The following DNAH12 variants were observed in gnomAD, a reference collection of about 807,000 sequenced individuals.
DNAH12 encodes the protein dynein axonemal heavy chain 12, also known as axonemal beta dynein heavy chain 12.
A neutral mutation model predicts 371.5 loss-of-function variants in DNAH12; 285 were observed. That is an observed-to-expected ratio of 0.77 (90% confidence interval 0.70 to 0.85). The LOEUF (loss-of-function observed/expected upper bound fraction) is 0.85, where lower values mean the gene tolerates loss of function less well. Ranked by LOEUF, DNAH12 falls within the 40% of genes least tolerant of loss-of-function variation. The probability of loss-of-function intolerance (pLI) is 0.00; values close to 1 mark genes in which losing one functional copy is unlikely to be tolerated. For synonymous variants in DNAH12, 1,200 were observed against 1,213.0 expected (o/e 0.99, Z 0.22); for missense variants, 3,611 against 3,689.4 (o/e 0.98, Z 0.55).
intron 39 of DNAH12, among the ~76,000 whole-genome samples, chr3:57,410,224 T>TA (rs2064157928): frequency 6.6e-6 from 1 of 152,168 alleles, no homozygotes; most frequent in Non-Finnish European, 1.5e-5. Context: ...AGCAGGTCTA[T>TA]AGGCACCATT....
chr3:57,449,862 C>T (rs553223860), intron 25 of DNAH12, among the ~76,000 whole-genome samples: 8 of 152,176 alleles, frequency 5.3e-5, no homozygotes, highest in Admixed American at 5.2e-4. Flanking sequence ...GAGGAGGCGC[C>T]GAGAGCAAGC....
intron 62 of DNAH12, 38 bp from the exon 63 acceptor site, chr3:57,323,657 T>C (rs2061862314): frequency 4.1e-6 from 6 of 1,475,520 alleles, no homozygotes; most frequent in Non-Finnish European, 4.5e-6. Flanking sequence ...AGAGCAACTT[T>C]TATTTCACAT....
chr3:57,464,828 A>G (rs970924494), intron 17 of DNAH12, among the ~76,000 whole-genome samples: 7 of 152,276 alleles, frequency 4.6e-5, no homozygotes, highest in African/African-American at 1.7e-4. Flanking sequence ...AAGATAATAA[A>G]GAAATGTTAT....
intron 59 of DNAH12, among the ~76,000 whole-genome samples, chr3:57,355,088 T>G (rs1331080617): frequency 6.6e-6 from 1 of 152,166 alleles, no homozygotes; most frequent in Admixed American, 6.5e-5. Flanking sequence ...GTTGTGATAT[T>G]GTTCTACAGG....
At chr3:57,396,499 G>A (rs2063744926) in intron 43 of DNAH12, among the ~76,000 whole-genome samples, 1 of 151,648 alleles carries the variant, frequency 6.6e-6, no homozygotes, top group African/African-American at 2.4e-5. Flanking sequence ...CCAGGTTCTA[G>A]CGATTCTCCT....
At chr3:57,471,434 G>T (rs1209297689) in intron 15 of DNAH12, 38 bp downstream of exon 15, 1 of 1,493,416 alleles carries the variant, frequency 6.7e-7, no homozygotes, top group Non-Finnish European at 8.9e-7. Context: ...ATGACTCTAT[G>T]GGCTGGCCAT....
intron 26 of DNAH12, 81 bp from the exon 27 acceptor site, chr3:57,446,351 T>C: frequency 6.8e-7 from 1 of 1,466,260 alleles, no homozygotes; most frequent in Non-Finnish European, 9.1e-7. Flanking sequence ...ATATTTTAAG[T>C]CAGAATTGAA....
chr3:57,411,942 A>C (rs548253690), intron 39 of DNAH12, among the ~76,000 whole-genome samples: 17 of 152,386 alleles, frequency 1.1e-4, no homozygotes, highest in Admixed American at 1.3e-4. Flanking sequence ...ATAAAACTAC[A>C]GTAGTCAAGA....
intron 11 of DNAH12, among the ~76,000 whole-genome samples, chr3:57,490,577 T>C (rs2067081562): frequency 6.6e-6 from 1 of 152,112 alleles, no homozygotes; most frequent in Non-Finnish European, 1.5e-5. Context: ...CTGCCTTCCT[T>C]CTCACTTGAT....
intron 60 of DNAH12, among the ~76,000 whole-genome samples, chr3:57,342,996 G>A (rs2062443939): frequency 6.6e-6 from 1 of 151,830 alleles, no homozygotes; most frequent in East Asian, 1.9e-4. Context: ...CACCTGAGCC[G>A]GGCAGGTGGA....
intron 44 of DNAH12, among the ~76,000 whole-genome samples, chr3:57,393,350 G>A (rs1043870342): frequency 3.9e-5 from 6 of 152,136 alleles, no homozygotes; most frequent in African/African-American, 9.6e-5. Context: ...TAAAGTGGCC[G>A]GGCGAGGTGG....
At chr3:57,438,333 A>AAAAAC (rs57965030) in intron 29 of DNAH12, among the ~76,000 whole-genome samples, 2 of 150,776 alleles carry the variant, frequency 1.3e-5, no homozygotes, top group African/African-American at 2.4e-5. Context: ...ACAAACAAAC[A>AAAAAC]AAAACAAAAC....
At chr3:57,445,854 G>T (rs2065474915) in intron 27 of DNAH12, among the ~76,000 whole-genome samples, 177 bp downstream of exon 27, 1 of 151,936 alleles carries the variant, frequency 6.6e-6, no homozygotes, top group South Asian at 2.1e-4. Flanking sequence ...CAGGTGTAGT[G>T]GTGTGTGCCT....
At chr3:57,388,704 C>A (rs1484654163) in intron 45 of DNAH12, among the ~76,000 whole-genome samples, 1 of 152,038 alleles carries the variant, frequency 6.6e-6, no homozygotes, top group Non-Finnish European at 1.5e-5. Context: ...CATATATACA[C>A]CATGGAATAC....
chr3:57,405,770 G>A lies in DNAH12; in HGVS notation c.6459C>T (p.Arg2153=). Reference sequence around the variant, plus strand: ...ATCTTCGATCATCATCATTAATGAGGCGATCATAAAACACTCGGAGAACCT... The same window carrying A: ...ATCTTCGATCATCATCATTAATGAGACGATCATAAAACACTCGGAGAACCT... ...VHEVLRVFYD[R]LINDDDRRWL... is the part of the protein sequence containing the mutation. The change falls in exon 41 of 74, where the codon CGC becomes CGT. Residue 2153 remains arginine (R), a synonymous_variant. Transcript: ENST00000495027. 1 of 1,551,592 alleles carries A rather than the reference G, an allele frequency of 6.4e-7. No individual in the cohort carries two copies.
intron 55 of DNAH12, among the ~76,000 whole-genome samples, chr3:57,370,962 T>G (rs2063158237): frequency 6.6e-6 from 1 of 152,124 alleles, no homozygotes; most frequent in Admixed American, 6.5e-5. Flanking sequence ...CATAAAGAGA[T>G]AAGAAGGAAA....
In DNAH12 at chr3:57,347,378, G is replaced by A. The variant is rs1210312682; in HGVS notation, c.9674+4707C>T. The stretch of plus-strand genomic sequence containing the variant: ...ATTAATGTAATTCATCATAGCAAGA[G>A]AGTAAAGAAGTAAAACCATATGATC... On this transcript the variant is annotated intron_variant, in intron 60 of 73. Transcript: ENST00000495027. Among the ~76,000 whole-genome samples, 5 of 152,098 alleles carry A rather than the reference G, an allele frequency of 3.3e-5. No individual in the cohort carries two copies. The East Asian group carries it at 9.6e-4, about 29-fold the overall frequency.
At chr3:57,374,635 A>G (rs2153338666) in intron 55 of DNAH12, among the ~76,000 whole-genome samples, 1 of 152,298 alleles carries the variant, frequency 6.6e-6, no homozygotes, top group Admixed American at 6.5e-5. Flanking sequence ...ATAGCCAGAA[A>G]CTAGAAATAG....
rs184526987 is a variant in DNAH12 at position 57,409,927 on chromosome 3, T to C, written c.6021-1392A>G. 1.3e-3 allele frequency among the ~76,000 whole-genome samples: 197 copies of C among 152,204 alleles called. 1 individual carries two copies. The highest frequency in any genetic ancestry group is 4.5e-3 in the African/African-American group (186 of 41,542). ...TGAGATTGCTGTCAAATACAAGCCATCTCAAAGATATGGTAGGTAGTTCCA... is the reference window on the plus strand; with the variant it reads ...TGAGATTGCTGTCAAATACAAGCCACCTCAAAGATATGGTAGGTAGTTCCA... On this transcript the variant is annotated intron_variant, in intron 39 of 73. Transcript: ENST00000495027.
Sources: gnomAD v4.1 joint callset for allele counts (sites outside exome capture counted in the v4.1 genomes callset) on GRCh38, gnomAD v4.1.1 for gene constraint, MANE v1.5 for transcripts, NCBI Gene and HGNC (gene_info 2026-07-23, HGNC 2026-07-21) for gene names.